The following HS6ST3 variants were observed in gnomAD, a reference collection of about 807,000 sequenced individuals.
The protein encoded by HS6ST3 is heparan sulfate 6-O-sulfotransferase 3.
HS6ST3 carries 12 observed loss-of-function variants against 36.7 expected under a neutral mutation model. The ratio of observed to expected loss-of-function variants is 0.33; its 90% CI spans 0.21 to 0.53. The LOEUF is 0.53. Ranked by LOEUF, HS6ST3 falls within the 20% of genes least tolerant of loss-of-function variation. The pLI, the probability that HS6ST3 is intolerant of heterozygous loss-of-function variation, is 0.95. For missense variants in HS6ST3, 584 were observed against 640.9 expected, an observed-to-expected ratio of 0.91 and a Z score of 0.96; for synonymous variants, 240 against 257.5, an observed-to-expected ratio of 0.93 and a Z score of 0.65.
chr13:96,269,002 A>G lies in HS6ST3; in HGVS notation c.707+177433A>G, dbSNP rs189874716. Among the ~76,000 whole-genome samples the G allele has an allele frequency of 3.2e-4, 49 of 152,158 alleles. 1 individual carries two copies. The highest frequency in any genetic ancestry group is 1.2e-3 in the African/African-American group (48 of 41,438). Reference sequence around the variant, plus strand: ...TCCCATGAACCACACTTGACTTTGTAGCCTGAAAACATTCCTGAATGATTG... The same window carrying G: ...TCCCATGAACCACACTTGACTTTGTGGCCTGAAAACATTCCTGAATGATTG... On this transcript the variant is annotated intron_variant, in intron 1 of 1. Transcript: ENST00000376705.
chr13:96,195,733 A>G (rs2054309089), intron 1 of HS6ST3, among the ~76,000 whole-genome samples: 1 of 152,138 alleles, frequency 6.6e-6, no homozygotes, highest in African/African-American at 2.4e-5. Flanking sequence ...TATTTCCGTC[A>G]ATTATCATCT....
chr13:96,302,696 T>A (rs936555324), intron 1 of HS6ST3, among the ~76,000 whole-genome samples: 1 of 152,142 alleles, frequency 6.6e-6, no homozygotes, highest in South Asian at 2.1e-4. Context: ...CAAAATTTTC[T>A]TCAATAAAAT....
At chr13:96,602,518 G>T (rs183540995) in intron 1 of HS6ST3, among the ~76,000 whole-genome samples, 11 of 152,160 alleles carry the variant, frequency 7.2e-5, no homozygotes, top group Admixed American at 6.5e-5. Context: ...TCAGAAGCCT[G>T]GGCACTGCAG....
intron 1 of HS6ST3, among the ~76,000 whole-genome samples, chr13:96,347,719 C>T (rs564099686): frequency 6.6e-6 from 1 of 152,192 alleles, no homozygotes; most frequent in Non-Finnish European, 1.5e-5. Context: ...AAAAATTCCA[C>T]TCTATCCTCA....
intron 1 of HS6ST3, among the ~76,000 whole-genome samples, chr13:96,527,893 A>G (rs1442488735): frequency 6.6e-6 from 1 of 152,090 alleles, no homozygotes; most frequent in Non-Finnish European, 1.5e-5. Context: ...GGTCAAAGCT[A>G]TTTTAGTGTG....
intron 1 of HS6ST3, among the ~76,000 whole-genome samples, chr13:96,731,887 C>G (rs1324682795): frequency 6.6e-6 from 1 of 152,048 alleles, no homozygotes; most frequent in Non-Finnish European, 1.5e-5. Flanking sequence ...AACTCCTGGG[C>G]TCAAGCAATC....
intron 1 of HS6ST3, among the ~76,000 whole-genome samples, chr13:96,351,534 A>G (rs892697146): frequency 6.6e-6 from 1 of 152,094 alleles, no homozygotes. Context: ...CTGCTCTTGA[A>G]TTCCTGGGGT....
chr13:96,221,330 C>A (rs974701757), intron 1 of HS6ST3, among the ~76,000 whole-genome samples: 1 of 152,138 alleles, frequency 6.6e-6, no homozygotes, highest in Non-Finnish European at 1.5e-5. Context: ...GCTGTGTGAT[C>A]CCTACCCTTC....
chr13:96,322,397 A>C (rs1356329537), intron 1 of HS6ST3, among the ~76,000 whole-genome samples: 4 of 138,648 alleles, frequency 2.9e-5, no homozygotes, highest in Admixed American at 2.1e-4. Flanking sequence ...AAAAAAAAAA[A>C]AAAACAAGCA....
At position 96,456,722 on chromosome 13, in the gene HS6ST3, C is replaced by A. The variant is rs138035168; in HGVS notation, c.707+365153C>A. On this transcript the variant is annotated intron_variant, in intron 1 of 1. Transcript: ENST00000376705. ...TGGTATTTATGCTGAGGTTTTCTTGCTCTAATCTTCTTTTTCCAATAATTT... is the reference window on the plus strand; with the variant it reads ...TGGTATTTATGCTGAGGTTTTCTTGATCTAATCTTCTTTTTCCAATAATTT... 6.2e-4 allele frequency among the ~76,000 whole-genome samples: 94 copies of A among 152,142 alleles called. 1 individual carries two copies. Among genetic ancestry groups the A allele is most frequent in the African/African-American group, 2.2e-3 (90 of 41,540 alleles).
At chr13:96,531,327 T>G (rs2056134723) in intron 1 of HS6ST3, among the ~76,000 whole-genome samples, 1 of 152,256 alleles carries the variant, frequency 6.6e-6, no homozygotes, top group Non-Finnish European at 1.5e-5. Flanking sequence ...AATATGAAGT[T>G]AAATATGGAT....
chr13:96,773,329 C>T (rs1877312185), intron 1 of HS6ST3, among the ~76,000 whole-genome samples: 1 of 152,148 alleles, frequency 6.6e-6, no homozygotes, highest in Non-Finnish European at 1.5e-5. Context: ...ACCGTTCACT[C>T]CACTGGAAAG....
intron 1 of HS6ST3, among the ~76,000 whole-genome samples, chr13:96,213,652 G>A (rs1467195291): frequency 2.6e-5 from 4 of 152,014 alleles, no homozygotes; most frequent in African/African-American, 7.2e-5. Flanking sequence ...CATTAACAGT[G>A]CCTCTTTATA....
intron 1 of HS6ST3, among the ~76,000 whole-genome samples, chr13:96,123,094 C>T (rs1487919221): frequency 2.0e-5 from 3 of 152,174 alleles, no homozygotes; most frequent in South Asian, 2.1e-4. Context: ...CCCATCTATT[C>T]TGTCTTCAAC....
chr13:96,467,880 A>G (rs921752058), intron 1 of HS6ST3, among the ~76,000 whole-genome samples: 3 of 152,198 alleles, frequency 2.0e-5, no homozygotes, highest in Non-Finnish European at 4.4e-5. Context: ...TATACCCAGT[A>G]CACGTGTGGC....
intron 1 of HS6ST3, among the ~76,000 whole-genome samples, chr13:96,283,541 G>A (rs569501238): frequency 1.3e-5 from 2 of 152,136 alleles, no homozygotes; most frequent in South Asian, 2.1e-4. Flanking sequence ...TCATCTCTGT[G>A]CACCCCTACC....
chr13:96,251,085 C>A (rs940314994), intron 1 of HS6ST3, among the ~76,000 whole-genome samples: 2 of 152,182 alleles, frequency 1.3e-5, no homozygotes, highest in African/African-American at 4.8e-5. Context: ...GCTTTGGTAT[C>A]AGGAAAATGA....
chr13:96,504,305 A>G (rs1171188716), intron 1 of HS6ST3, among the ~76,000 whole-genome samples: 1 of 152,132 alleles, frequency 6.6e-6, no homozygotes, highest in African/African-American at 2.4e-5. Context: ...TCTCACATCC[A>G]TGACTGCTAT....
At chr13:96,553,942 A>C (rs925173439) in intron 1 of HS6ST3, among the ~76,000 whole-genome samples, 5 of 152,166 alleles carry the variant, frequency 3.3e-5, no homozygotes, top group African/African-American at 1.2e-4. Context: ...TGACTCAGAG[A>C]CTATTGGTAC....
Sources: allele counts gnomAD v4.1 joint callset (sites outside exome capture counted in the v4.1 genomes callset), GRCh38; gene constraint gnomAD v4.1.1; transcripts MANE v1.5; gene names NCBI Gene and HGNC (gene_info 2026-07-23, HGNC 2026-07-21).